ARID3A: variants seen among roughly 807,000 people sequenced by gnomAD.
ARID3A encodes AT-rich interaction domain 3A.
In ARID3A, 11 loss-of-function variants were observed where a neutral mutation model predicts 52.7. That is an observed-to-expected ratio of 0.21 (90% CI 0.13 to 0.35). ARID3A has a LOEUF of 0.35. ARID3A is among the 10% of genes least tolerant of loss of function. The pLI is 1.00. For missense variants in ARID3A, 721 were observed against 838.5 expected (o/e 0.86, Z 1.73); for synonymous variants, 404 against 359.4 (o/e 1.12, Z -1.40).
chr19:960,442 G>A lies in ARID3A; in HGVS notation c.766+278G>A, dbSNP rs908338507. Among the ~76,000 whole-genome samples, 1 of 152,056 alleles carries A rather than the reference G, an allele frequency of 6.6e-6. No homozygotes were observed. Among genetic ancestry groups the A allele is most frequent in the African/African-American group, 2.4e-5 (1 of 41,380 alleles). On this transcript the variant is annotated intron_variant, in intron 4 of 8. Coordinates refer to ENST00000263620, the MANE Select transcript of ARID3A (RefSeq NM_005224.3). This position sits in a 1 kb window ranked among gnomAD's most constrained non-coding sequence, Gnocchi z 4.3. ...CCCCAACCCAGAACAGACAGTCCAGGTCATCTCCTTAGCATCCAGGGTGCA... is the reference window on the plus strand; with the variant it reads ...CCCCAACCCAGAACAGACAGTCCAGATCATCTCCTTAGCATCCAGGGTGCA...
intron 3 of ARID3A, among the ~76,000 whole-genome samples, chr19:946,439 C>CTTTT (rs58290960): frequency 5.0e-5 from 3 of 60,402 alleles, no homozygotes; most frequent in Admixed American, 1.9e-4. Flanking sequence ...TTTTTTGAAT[C>CTTTT]TTTTTTTTTT....
chr19:932,677 C>A lies in ARID3A; in HGVS notation c.628C>A (p.His210Asn). The A allele has an allele frequency of 6.5e-7, 1 of 1,546,018 alleles. No individual in the cohort carries two copies. The highest frequency in any genetic ancestry group is 2.5e-5 in the East Asian group (1 of 40,732). Residue 210 changes from histidine to asparagine, a missense_variant, in exon 3 of 9, where the codon CAC (histidine) becomes AAC (asparagine). By Grantham distance (68) the His-to-Asn change is moderately conservative (BLOSUM62 1). This residue lies in a region of ARID3A where 349 missense variants were observed against 297.3 expected (regional missense o/e 1.17). Transcript: ENST00000263620. ...CCCTGCCCACCCCGGAGGGGCCGCC[C>A]ACGTAGCCCCGCAGCTGCAGCCGCC... ...PGPAHPGGAA[H>N]VAPQLQPPDH...
At position 944,253 on chromosome 19, in the gene ARID3A, C is replaced by T. The variant is rs1395349899; in HGVS notation, c.693+11511C>T. ...CTGACGTCGGCAGCGCGGTGGAGGG[C>T]GGGCCTGTCTCGCCGTTATCTCCCA... On this transcript the variant is annotated intron_variant, in intron 3 of 8. Coordinates refer to ENST00000263620, the MANE Select transcript of ARID3A (RefSeq NM_005224.3). This position sits in a 1 kb window ranked among gnomAD's most constrained non-coding sequence, Gnocchi z 5.9. Among the ~76,000 whole-genome samples the T allele has an allele frequency of 3.3e-5, 5 of 152,156 alleles. No individual in the cohort carries two copies. Among genetic ancestry groups the T allele is most frequent in the Non-Finnish European group, 7.3e-5 (5 of 68,028 alleles).
In ARID3A at chr19:939,722, C is replaced by T. The variant is rs374004045; in HGVS notation, c.693+6980C>T. Among the ~76,000 whole-genome samples, 7 of 152,214 alleles carry T rather than the reference C, an allele frequency of 4.6e-5. No individual in the cohort carries two copies. The South Asian group carries it at 8.3e-4, about 18-fold the overall frequency. ...ACCTGGTTCTTTTCAGCTGTATGGA[C>T]GTTCCCCTCGTGGCGCTGGACACCC... On this transcript the variant is annotated intron_variant, in intron 3 of 8. Coordinates refer to ENST00000263620, the MANE Select transcript of ARID3A (RefSeq NM_005224.3).
At position 947,248 on chromosome 19, in the gene ARID3A, T is replaced by G. The variant is rs948509709; in HGVS notation, c.694-12844T>G. On this transcript the variant is annotated intron_variant, in intron 3 of 8. Coordinates refer to ENST00000263620, the MANE Select transcript of ARID3A (RefSeq NM_005224.3). This position sits in a 1 kb window ranked among gnomAD's most constrained non-coding sequence, Gnocchi z 6.3. ...TCTGTGAAACGGGTTTCCTGGCAGA[T>G]AGAGGGGCTGCTTAAGGCCAGTGCC... 5.3e-5 allele frequency among the ~76,000 whole-genome samples: 8 copies of G among 152,198 alleles called. No homozygotes were observed. The highest frequency in any genetic ancestry group is 1.2e-4 in the Non-Finnish European group (8 of 68,022).
intron 3 of ARID3A, among the ~76,000 whole-genome samples, chr19:940,105 CT>C (rs1427629270): frequency 6.6e-6 from 1 of 151,930 alleles, no homozygotes; most frequent in African/African-American, 2.4e-5. Context: ...GGGGCTGGGG[CT>C]TTGCAGGATG....
chr19:970,727 C>T (rs552340179), intron 8 of ARID3A, among the ~76,000 whole-genome samples: 1 of 152,006 alleles, frequency 6.6e-6, no homozygotes, highest in East Asian at 1.9e-4. Context: ...CTGGTCTTGG[C>T]CTCCCAAAGT....
At chr19:951,117 C>T (rs559030663) in intron 3 of ARID3A, among the ~76,000 whole-genome samples, 2 of 152,176 alleles carry the variant, frequency 1.3e-5, no homozygotes, top group East Asian at 3.9e-4. Flanking sequence ...CCACTATGCC[C>T]GGCCAGGATT....
At position 937,727 on chromosome 19, in the gene ARID3A, GAC is replaced by G. The variant is rs1323677536; in HGVS notation, c.693+4987_693+4988del. Among the ~76,000 whole-genome samples, 5 of 100,504 alleles carry G rather than the reference GAC, an allele frequency of 5.0e-5. No individual in the cohort carries two copies. In the East Asian group the frequency reaches 1.7e-3, roughly 35 times the overall value. 65.9% of individuals were successfully genotyped at this position (100,504 alleles called of 152,430 possible). On this transcript the variant is annotated intron_variant, in intron 3 of 8. Coordinates refer to ENST00000263620, the MANE Select transcript of ARID3A (RefSeq NM_005224.3). The stretch of plus-strand genomic sequence containing the variant: ...TTTTTTTTTTTTTTTTTTTTTTTGA[GAC>G]AGAGTCTTGCTCTGTCACCCAGGCT...
In ARID3A at chr19:933,672, G is replaced by C. The variant is rs1317124125; in HGVS notation, c.693+930G>C. Among the ~76,000 whole-genome samples, 4 of 152,142 alleles carry C rather than the reference G, an allele frequency of 2.6e-5. No individual in the cohort carries two copies. The East Asian group carries it at 5.8e-4, about 22-fold the overall frequency. On this transcript the variant is annotated intron_variant, in intron 3 of 8. Coordinates refer to ENST00000263620, the MANE Select transcript of ARID3A (RefSeq NM_005224.3). Reference sequence around the variant, plus strand: ...GAGGGGCCAAGGCACAGACACCCAGGGGGGCCTCCCCGGGGCTCCTGACTC... The same window carrying C: ...GAGGGGCCAAGGCACAGACACCCAGCGGGGCCTCCCCGGGGCTCCTGACTC...
Position 974,032 on chromosome 19 carries a change from T to A in ARID3A, c.*1967T>A. 2 of 227,258 alleles carry A rather than the reference T, an allele frequency of 8.8e-6. 1 individual carries two copies. Among genetic ancestry groups the A allele is most frequent in the Middle Eastern group, 2.7e-3 (2 of 748 alleles). 14.1% of individuals were successfully genotyped at this position (227,258 alleles called of 1,614,324 possible). A position where few individuals can be genotyped will look rare whatever the true frequency, so the allele number is the denominator to read the frequency against. On this transcript the variant is annotated 3_prime_UTR_variant, in exon 9 of 9. Transcript: ENST00000263620. ...CCCAGGGTAAGCCTGGGTCTCTAAT[T>A]GGGCCCTGGGAGCCCTGTTAGGCCA...
In ARID3A at chr19:939,095, C is replaced by CTATTTATT. The variant is rs57727834; in HGVS notation, c.693+6378_693+6385dup. Among the ~76,000 whole-genome samples, 38 of 121,274 alleles carry CTATTTATT rather than the reference C, an allele frequency of 3.1e-4. No individual in the cohort carries two copies. In the East Asian group the frequency reaches 0.01, roughly 33 times the overall value. The allele number at this position is 121,274 out of a possible 152,430, so 79.6% of individuals were successfully genotyped here. Reference sequence around the variant, plus strand: ...ACAGGCGCGTGCCACCACACCTGGCCTATTTATTTATTTATTTATTTATTT... The same window carrying CTATTTATT: ...ACAGGCGCGTGCCACCACACCTGGCCTATTTATTTATTTATTTATTTATTTATTTATTT... On this transcript the variant is annotated intron_variant, in intron 3 of 8. Transcript: ENST00000263620.
chr19:951,498 C>T (rs1333320282), intron 3 of ARID3A, among the ~76,000 whole-genome samples: 1 of 152,034 alleles, frequency 6.6e-6, no homozygotes, highest in African/African-American at 2.4e-5. Flanking sequence ...CTGCAGTGAG[C>T]TATGACTGCA....
chr19:968,016 G>A (rs189185995), intron 7 of ARID3A, among the ~76,000 whole-genome samples: 29 of 147,408 alleles, frequency 2.0e-4, no homozygotes, highest in Admixed American at 9.0e-4. Flanking sequence ...CTGCACTCCA[G>A]CCTGGGTGAC....
At chr19:949,392 G>C (rs900714122) in intron 3 of ARID3A, among the ~76,000 whole-genome samples, 1 of 152,142 alleles carries the variant, frequency 6.6e-6, no homozygotes, top group African/African-American at 2.4e-5. Flanking sequence ...TCAGGCCTCC[G>C]GGAGGGGGTG....
rs933631095 is a variant in ARID3A, at chr19:947,462, CTG to C, written c.694-12627_694-12626del. 5.3e-5 allele frequency among the ~76,000 whole-genome samples: 8 copies of C among 152,204 alleles called. No homozygotes were observed. The highest frequency in any genetic ancestry group is 1.9e-4 in the African/African-American group (8 of 41,448). On this transcript the variant is annotated intron_variant, in intron 3 of 8. Transcript: ENST00000263620. The surrounding 1 kb of genome is among the most constrained non-coding windows in gnomAD (Gnocchi z 6.3). ...GACTCGTGGGCCTCAGTTTCCCCAA[CTG>C]TGAAACGGGCTGGCGGCCGGTCAGC...
At chr19:927,639 A>G (rs2145335948) in intron 1 of ARID3A, among the ~76,000 whole-genome samples, 1 of 135,550 alleles carries the variant, frequency 7.4e-6, no homozygotes, top group East Asian at 2.6e-4. Flanking sequence ...GAGGGGCGAC[A>G]GACCCGACCA....
intron 3 of ARID3A, among the ~76,000 whole-genome samples, chr19:949,311 A>G (rs1328809174): frequency 6.6e-6 from 1 of 151,422 alleles, no homozygotes; most frequent in Admixed American, 6.6e-5. Flanking sequence ...CCACCTGGGG[A>G]GCAGCAGCCG....
intron 2 of ARID3A, among the ~76,000 whole-genome samples, chr19:931,892 C>T (rs530571623): frequency 4.0e-5 from 6 of 149,458 alleles, no homozygotes; most frequent in African/African-American, 1.2e-4. Flanking sequence ...GAGGGTGGGG[C>T]GGATTTCAGA....
Sources: gnomAD v4.1 joint callset for allele counts (sites outside exome capture counted in the v4.1 genomes callset) on GRCh38, gnomAD v4.1.1 for gene constraint, gnomAD v4.1.1 regional missense constraint, Gnocchi (gnomAD v3.1) non-coding constraint, MANE v1.5 for transcripts, NCBI Gene and HGNC (gene_info 2026-07-23, HGNC 2026-07-21) for gene names.